ASXL2: variants seen among roughly 807,000 people sequenced by gnomAD.
ASXL2 encodes the protein ASXL transcriptional regulator 2.
A neutral mutation model predicts 122.0 loss-of-function variants in ASXL2; 23 were observed. The ratio of observed to expected loss-of-function variants is 0.19; its 90% CI spans 0.14 to 0.27. The LOEUF (loss-of-function observed/expected upper bound fraction) is 0.27, where lower values mean the gene tolerates loss of function less well. Ranked by LOEUF, ASXL2 falls within the 10% of genes least tolerant of loss-of-function variation. The pLI is 1.00. For synonymous variants in ASXL2, 650 were observed against 637.0 expected (o/e 1.02, Z -0.31); for missense variants, 1,518 against 1,713.8 (o/e 0.89, Z 2.02).
intron 12 of ASXL2, among the ~76,000 whole-genome samples, chr2:25,749,016 G>T (rs2087989796): frequency 6.6e-6 from 1 of 152,168 alleles, no homozygotes; most frequent in Non-Finnish European, 1.5e-5. Flanking sequence ...GGAGCTAAAG[G>T]TAGTTCCTGA....
intron 5 of ASXL2, among the ~76,000 whole-genome samples, chr2:25,778,508 C>T (rs1199892556): frequency 6.6e-6 from 1 of 152,222 alleles, no homozygotes; most frequent in Non-Finnish European, 1.5e-5. Flanking sequence ...AAGCCGCTCA[C>T]TGTGTGATAA....
intron 1 of ASXL2, among the ~76,000 whole-genome samples, chr2:25,847,187 A>G (rs1295126720): frequency 6.6e-6 from 1 of 152,226 alleles, no homozygotes; most frequent in East Asian, 1.9e-4. Context: ...TGCTGTGTCC[A>G]GTGTTTGTAA....
chr2:25,770,532 A>AT (rs1278782884), intron 6 of ASXL2, among the ~76,000 whole-genome samples: 2 of 152,084 alleles, frequency 1.3e-5, no homozygotes, highest in African/African-American at 4.8e-5. Flanking sequence ...AGGCAGTTGA[A>AT]TCACTTGAGG....
rs1386411079 is a variant in ASXL2, at chr2:25,768,824, C to T, written c.549G>A (p.Arg183=). 3 of 1,613,626 alleles carry T rather than the reference C, an allele frequency of 1.9e-6. No homozygotes were observed. Among genetic ancestry groups the T allele is most frequent in the Non-Finnish European group, 8.5e-7 (1 of 1,179,738 alleles). ...GGTTGGAGGAGATGGATATGCTTGG[C>T]CTGCATTGCTGCTGCTGCTTCTTCT... ...QQQKKQQQQC[R]PSISISSNQH... The change falls in exon 7 of 13, where the codon AGG becomes AGA. Residue 183 remains arginine, a synonymous_variant. Transcript: ENST00000435504.
chr2:25,826,994 AAT>A (rs2089386150), intron 3 of ASXL2, among the ~76,000 whole-genome samples: 1 of 143,314 alleles, frequency 7.0e-6, no homozygotes, highest in African/African-American at 2.7e-5. Context: ...AACAGCTAAT[AAT>A]TTTTTTTTTT....
chr2:25,822,697 T>C (rs1299889509), intron 3 of ASXL2: 1 of 713,552 alleles, frequency 1.4e-6, no homozygotes, highest in Non-Finnish European at 2.4e-6. Flanking sequence ...GTATGTTGTT[T>C]ACGAAAAGGA....
rs2088083598 is a variant in ASXL2 at position 25,753,579 on chromosome 2, A to G, written c.1097T>C (p.Val366Ala). 4.3e-6 allele frequency: 7 copies of G among 1,613,694 alleles called. No homozygotes were observed. Among genetic ancestry groups the G allele is most frequent in the African/African-American group, 1.3e-5 (1 of 74,902 alleles). Residue 366 changes from valine (V) to alanine (A), a missense_variant, in exon 11 of 13, where the codon GTG becomes GCG. Transcript: ENST00000435504. ...IRQEIEKEKK[V>A]EPWKEQFFES... ...AAAGAATTGTTCTTTCCATGGCTCCACTTTTTTCTCCTTCTCAATCTCTTG... is the reference window on the plus strand; with the variant it reads ...AAAGAATTGTTCTTTCCATGGCTCCGCTTTTTTCTCCTTCTCAATCTCTTG...
intron 4 of ASXL2, among the ~76,000 whole-genome samples, chr2:25,805,530 C>A (rs2089068575): frequency 6.6e-6 from 1 of 151,552 alleles, no homozygotes; most frequent in African/African-American, 2.4e-5. Flanking sequence ...ATGGTATTCA[C>A]CCCAACTGTG....
Position 25,865,299 on chromosome 2 carries a change from C to T in ASXL2, c.57+12867G>A, listed in dbSNP as rs563977735. Among the ~76,000 whole-genome samples the T allele has an allele frequency of 8.5e-4, 129 of 151,630 alleles. 1 individual carries two copies. Among genetic ancestry groups the T allele is most frequent in the Admixed American group, 3.0e-3 (46 of 15,240 alleles). On this transcript the variant is annotated intron_variant, in intron 1 of 12. Transcript: ENST00000435504. ...ACAAAAAATTGTCCTGGTGTGGTGG[C>T]GCGCACCTTTAAGTCCCAGCTACTT...
chr2:25,780,467 A>G (rs1259573516), intron 5 of ASXL2, among the ~76,000 whole-genome samples: 1 of 152,180 alleles, frequency 6.6e-6, no homozygotes, highest in East Asian at 1.9e-4. Flanking sequence ...CATCTTAACC[A>G]GTGGTTCTAA....
intron 12 of ASXL2, among the ~76,000 whole-genome samples, chr2:25,748,694 T>C (rs1466495306): frequency 1.3e-5 from 2 of 152,182 alleles, no homozygotes; most frequent in Admixed American, 6.5e-5. Context: ...TTAAATTCCT[T>C]GGTAAGAAAA....
chr2:25,754,651 T>C (rs865981254), intron 10 of ASXL2, among the ~76,000 whole-genome samples: 24 of 151,498 alleles, frequency 1.6e-4, no homozygotes, highest in East Asian at 3.9e-4. Context: ...CACATGACTA[T>C]AGGTACAGCA....
chr2:25,776,911 T>C (rs2088556092), intron 5 of ASXL2, among the ~76,000 whole-genome samples: 1 of 152,158 alleles, frequency 6.6e-6, no homozygotes, highest in African/African-American at 2.4e-5. Context: ...GACAAACTGC[T>C]TAGAATGTTT....
At chr2:25,842,269 G>A (rs150944650) in intron 2 of ASXL2, among the ~76,000 whole-genome samples, 71 of 152,242 alleles carry the variant, frequency 4.7e-4, no homozygotes, top group Middle Eastern at 3.4e-3. Flanking sequence ...ATAGGTGAGC[G>A]AAAGCACATT....
intron 8 of ASXL2, among the ~76,000 whole-genome samples, chr2:25,766,217 T>C (rs1346196124): frequency 6.6e-6 from 1 of 152,196 alleles, no homozygotes; most frequent in Non-Finnish European, 1.5e-5. Context: ...TACCTTTTCA[T>C]GACCCCATAT....
Position 25,853,545 on chromosome 2 carries a change from G to C in ASXL2, c.58-7982C>G, listed in dbSNP as rs542618527. On this transcript the variant is annotated intron_variant, in intron 1 of 12. Transcript: ENST00000435504. ...TTTCTCCTCAGTGTCTACTCTCCTTGGACATTTTCATCCTCCCATGGCTTC... is the reference window on the plus strand; with the variant it reads ...TTTCTCCTCAGTGTCTACTCTCCTTCGACATTTTCATCCTCCCATGGCTTC... Among the ~76,000 whole-genome samples, 19 of 152,180 alleles carry C rather than the reference G, an allele frequency of 1.2e-4. No individual in the cohort carries two copies. The South Asian group carries it at 3.1e-3, about 25-fold the overall frequency.
At chr2:25,765,612 TTAAA>T (rs1212378423) in intron 8 of ASXL2, among the ~76,000 whole-genome samples, 1 of 152,214 alleles carries the variant, frequency 6.6e-6, no homozygotes, top group African/African-American at 2.4e-5. Context: ...TAGGTCAAAC[TTAAA>T]TAAACGGAAA....
At chr2:25,853,590 T>C (rs1259734350) in intron 1 of ASXL2, among the ~76,000 whole-genome samples, 1 of 152,160 alleles carries the variant, frequency 6.6e-6, no homozygotes, top group Non-Finnish European at 1.5e-5. Flanking sequence ...CATGCTCCTA[T>C]AGCAGCACCG....
Position 25,744,580 on chromosome 2 carries a change from G to T in ASXL2, c.1861-104C>A, listed in dbSNP as rs1291525769. 3 of 1,281,708 alleles carry T rather than the reference G, an allele frequency of 2.3e-6. No homozygotes were observed. The highest frequency in any genetic ancestry group is 2.7e-5 in the Admixed American group (1 of 36,494). The allele number at this position is 1,281,708 out of a possible 1,614,324, so 79.4% of individuals were successfully genotyped here. ...ATTTTAAAAACAGATGAACACTACA[G>T]TACCTGTGACAAACATGGGTGGTCT... On this transcript the variant is annotated intron_variant, in intron 12 of 12. Transcript: ENST00000435504. The surrounding 1 kb of genome is among the most constrained non-coding windows in gnomAD (Gnocchi z 4.7).
Sources: allele counts gnomAD v4.1 joint callset (sites outside exome capture counted in the v4.1 genomes callset), GRCh38; gene constraint gnomAD v4.1.1; non-coding constraint Gnocchi (gnomAD v3.1); transcripts MANE v1.5; gene names NCBI Gene and HGNC (gene_info 2026-07-23, HGNC 2026-07-21).